Variants in TMPRSS5 observed in about 807,000 individuals in gnomAD.
The protein encoded by TMPRSS5 is transmembrane serine protease 5.
TMPRSS5 carries 45 observed loss-of-function variants against 59.7 expected under a neutral mutation model. The ratio of observed to expected loss-of-function variants is 0.75; its 90% CI spans 0.59 to 0.97. The LOEUF (loss-of-function observed/expected upper bound fraction) is 0.97, where lower values mean the gene tolerates loss of function less well. TMPRSS5 is among the 50% of genes least tolerant of loss of function. The pLI is 0.00. For synonymous variants in TMPRSS5, 225 were observed against 232.0 expected (o/e 0.97, Z 0.27); for missense variants, 585 against 596.7 (o/e 0.98, Z 0.20).
chr11:113,689,686 G>A (rs1952704972), intron 12 of TMPRSS5, 79 bp downstream of exon 12: 2 of 1,507,758 alleles, frequency 1.3e-6, no homozygotes, highest in Admixed American at 2.0e-5. Flanking sequence ...CAGGGCCCGG[G>A]CCTAAGGGGT....
chr11:113,699,780 C>A, intron 2 of TMPRSS5, 87 bp from the exon 3 acceptor site: 1 of 1,434,472 alleles, frequency 7.0e-7, no homozygotes, highest in Non-Finnish European at 9.6e-7. Context: ...TGGGGCTAGG[C>A]ACCCACAGAG....
At chr11:113,700,205 A>G in intron 1 of TMPRSS5, 37 bp from the exon 2 acceptor site, 1 of 1,478,292 alleles carries the variant, frequency 6.8e-7, no homozygotes, top group Non-Finnish European at 9.0e-7. Flanking sequence ...GGATCCCCAC[A>G]TCAAGGACTG....
At chr11:113,705,167 A>G (rs1461580228) in intron 1 of TMPRSS5, among the ~76,000 whole-genome samples, 1 of 152,192 alleles carries the variant, frequency 6.6e-6, no homozygotes, top group African/African-American at 2.4e-5. Flanking sequence ...TGCTGACTCC[A>G]GGACAGTATT....
chr11:113,697,111 A>G, intron 5 of TMPRSS5, 140 bp from the exon 6 acceptor site: 1 of 1,222,020 alleles, frequency 8.2e-7, no homozygotes, highest in Non-Finnish European at 1.2e-6. Context: ...AATACTCCAA[A>G]CAGAGAAATG....
chr11:113,693,314 G>C, intron 8 of TMPRSS5, 65 bp from the exon 9 acceptor site: 1 of 1,433,264 alleles, frequency 7.0e-7, no homozygotes, highest in Non-Finnish European at 9.1e-7. Context: ...AAGCAAGGTA[G>C]CAGGTGGAGG....
intron 7 of TMPRSS5, among the ~76,000 whole-genome samples, chr11:113,695,122 G>A (rs1952892571): frequency 6.6e-6 from 1 of 152,220 alleles, no homozygotes; most frequent in Non-Finnish European, 1.5e-5. Flanking sequence ...GAAAGATGGA[G>A]TTGGTGTCAG....
intron 6 of TMPRSS5, among the ~76,000 whole-genome samples, chr11:113,696,420 C>A (rs1218028615): frequency 2.0e-5 from 3 of 152,184 alleles, no homozygotes; most frequent in African/African-American, 7.2e-5. Flanking sequence ...GCAACTCAAC[C>A]ATCTCTTTCC....
intron 3 of TMPRSS5, among the ~76,000 whole-genome samples, chr11:113,699,264 T>A (rs113939329): frequency 3.1e-5 from 3 of 95,458 alleles, no homozygotes; most frequent in South Asian, 3.6e-4. Flanking sequence ...TCTCTCTCTC[T>A]CTCTCTCCCT....
chr11:113,699,150 C>A (rs1043978354), intron 3 of TMPRSS5, 123 bp from the exon 4 acceptor site: 5 of 984,248 alleles, frequency 5.1e-6, no homozygotes, highest in Non-Finnish European at 7.5e-6. Context: ...AGGGGCATAG[C>A]GCTCCATCTC....
At chr11:113,695,258 G>A in intron 7 of TMPRSS5, 142 bp downstream of exon 7, 2 of 817,492 alleles carry the variant, frequency 2.4e-6, no homozygotes, top group African/African-American at 1.7e-5. Context: ...TGCAAGAAGG[G>A]GCCTGGCAGG....
chr11:113,695,273 T>C, intron 7 of TMPRSS5, 127 bp downstream of exon 7: 5 of 949,532 alleles, frequency 5.3e-6, no homozygotes, highest in Non-Finnish European at 8.1e-6. Flanking sequence ...GGCAGGCAGA[T>C]GGGCAGGTGG....
At chr11:113,702,047 G>A (rs552275543) in intron 1 of TMPRSS5, among the ~76,000 whole-genome samples, 1 of 150,166 alleles carries the variant, frequency 6.7e-6, no homozygotes, top group Non-Finnish European at 1.5e-5. Context: ...GTGAGAACAT[G>A]TGGTGTTTCT....
At chr11:113,694,207 T>C (rs1463323917) in intron 8 of TMPRSS5, among the ~76,000 whole-genome samples, 2 of 143,686 alleles carry the variant, frequency 1.4e-5, no homozygotes, top group African/African-American at 5.2e-5. Context: ...ATTGCGCCAC[T>C]GCACTCCAGC....
chr11:113,706,071 G>T, intron 1 of TMPRSS5, 151 bp downstream of exon 1: 1 of 833,050 alleles, frequency 1.2e-6, no homozygotes, highest in Non-Finnish European at 1.9e-6. Context: ...CAGGAAATTG[G>T]CCACACAGGG....
chr11:113,701,247 G>T (rs1307863926), intron 1 of TMPRSS5, among the ~76,000 whole-genome samples: 1 of 152,158 alleles, frequency 6.6e-6, no homozygotes, highest in Non-Finnish European at 1.5e-5. Context: ...TAGTTTGGAG[G>T]GTTCAGAAGA....
At chr11:113,691,571 T>G (rs991084366) in intron 9 of TMPRSS5, among the ~76,000 whole-genome samples, 2 of 152,106 alleles carry the variant, frequency 1.3e-5, no homozygotes, top group African/African-American at 4.8e-5. Flanking sequence ...TGCTACATAT[T>G]TTTGTGGTTA....
At chr11:113,692,418 G>A (rs533283837) in intron 9 of TMPRSS5, among the ~76,000 whole-genome samples, 2 of 152,194 alleles carry the variant, frequency 1.3e-5, no homozygotes, top group African/African-American at 2.4e-5. Context: ...GAATGCTCAC[G>A]TGTGAGTCTA....
rs1565260020 is a variant in TMPRSS5, at chr11:113,695,455, A to G, written c.579-12T>C. The G allele has an allele frequency of 1.2e-6, 2 of 1,613,874 alleles. No individual in the cohort carries two copies. The highest frequency in any genetic ancestry group is 8.5e-7 in the Non-Finnish European group (1 of 1,179,834). On this transcript the variant is annotated splice_polypyrimidine_tract_variant and intron_variant, in intron 6 of 12. Coordinates refer to ENST00000299882, the MANE Select transcript of TMPRSS5 (RefSeq NM_030770.4). ...AAGTGCAGTTGTTCCTGCAAAACAGAGGTACCAACAAGAAGCTGGGCAGGG... is the reference window on the plus strand; with the variant it reads ...AAGTGCAGTTGTTCCTGCAAAACAGGGGTACCAACAAGAAGCTGGGCAGGG...
chr11:113,698,018 C>A (rs2134810178), intron 4 of TMPRSS5, among the ~76,000 whole-genome samples: 1 of 152,246 alleles, frequency 6.6e-6, no homozygotes, highest in Middle Eastern at 3.4e-3. Context: ...TCCAATAGAG[C>A]CAGTGTCCTT....
Sources: gnomAD v4.1 joint callset for allele counts (sites outside exome capture counted in the v4.1 genomes callset) on GRCh38, gnomAD v4.1.1 for gene constraint, MANE v1.5 for transcripts, NCBI Gene and HGNC (gene_info 2026-07-23, HGNC 2026-07-21) for gene names.